HARS1: variants seen among roughly 807,000 people sequenced by gnomAD.
The protein encoded by HARS1 is histidine--tRNA ligase, cytoplasmic.
HARS1 carries 45 observed loss-of-function variants against 63.6 expected under a neutral mutation model. That is an observed-to-expected ratio of 0.71 (90% CI 0.56 to 0.91). HARS1 has a LOEUF of 0.91. Ranked by LOEUF, HARS1 falls within the 40% of genes least tolerant of loss-of-function variation. The pLI is 0.00. For synonymous variants in HARS1, 205 were observed against 247.1 expected (o/e 0.83, Z 1.60); for missense variants, 508 against 643.2 (o/e 0.79, Z 2.27).
chr5:140,687,592 A>C (rs931900225), intron 2 of HARS1: 2 of 152,114 alleles, frequency 1.3e-5, no homozygotes, highest in Non-Finnish European at 2.9e-5. Flanking sequence ...TATCAATGAC[A>C]TAGTTAAGTA....
intron 10 of HARS1, chr5:140,675,680 C>G (rs1039585466): frequency 6.6e-6 from 1 of 152,170 alleles, no homozygotes; most frequent in African/African-American, 2.4e-5. Flanking sequence ...TATGAGCCCA[C>G]CCCAATTAGA....
At chr5:140,682,662 AT>A (rs1758793033) in intron 3 of HARS1, 2 of 154,808 alleles carry the variant, frequency 1.3e-5, no homozygotes, top group African/African-American at 4.8e-5. Context: ...GGATCCAGTG[AT>A]CTTTCTGCTT....
rs377739193 is a variant in HARS1 at position 140,690,935 on chromosome 5, C to G, written c.100G>C (p.Glu34Gln). Reference protein sequence around the residue: ...QKASAELIEEEVAKLLKLKAQ... With the variant: ...QKASAELIEEQVAKLLKLKAQ... ...TTCAGTTTCAGGAGTTTCGCCACCT[C>G]CTCCTCGATCTGTGGAGGGAAAGAA... Residue 34 changes from glutamate to glutamine, a missense_variant, in exon 2 of 13, where the codon GAG becomes CAG. Around this residue, in one of 2 missense-constraint regions of HARS1, gnomAD observed 105 missense variants for 94.5 expected, o/e 1.11. Coordinates refer to ENST00000504156, the MANE Select transcript of HARS1 (RefSeq NM_002109.6). 4.4e-6 allele frequency: 7 copies of G among 1,595,648 alleles called. No homozygotes were observed. The African/African-American group carries it at 9.4e-5, about 21-fold the overall frequency.
intron 2 of HARS1, among the ~76,000 whole-genome samples, chr5:140,689,150 G>A (rs999203345): frequency 2.0e-5 from 3 of 152,116 alleles, no homozygotes; most frequent in Admixed American, 1.3e-4. Context: ...AATGAATTTA[G>A]GATCCCAAAG....
chr5:140,682,953 T>C, intron 3 of HARS1, 147 bp downstream of exon 3: 1 of 687,896 alleles, frequency 1.5e-6, no homozygotes, highest in Non-Finnish European at 2.5e-6. Flanking sequence ...TCCAAGCCAT[T>C]CTTGTCCCCC....
In HARS1 at chr5:140,690,839, AC is replaced by A; in HGVS notation, c.180+15del. ...TTAGAGACTTTCTCAGTGGCTCCCT[AC>A]AGGAATGATATTACCTTGGGGGTTT... On this transcript the variant is annotated intron_variant, in intron 2 of 12. Coordinates refer to ENST00000504156, the MANE Select transcript of HARS1 (RefSeq NM_002109.6). 1 of 1,423,520 alleles carries A rather than the reference AC, an allele frequency of 7.0e-7. No homozygotes were observed. The allele number at this position is 1,423,520 out of a possible 1,614,324, so 88.2% of individuals were successfully genotyped here. A position where few individuals can be genotyped will look rare whatever the true frequency, so the allele number is the denominator to read the frequency against.
Position 140,676,917 on chromosome 5 carries a change from T to C in HARS1, c.952-21A>G. ...GAGATCTGTGGAGATAAGAAAATGGTCAGTGCCAGATTAAGATCAGGGACC... is the reference window on the plus strand; with the variant it reads ...GAGATCTGTGGAGATAAGAAAATGGCCAGTGCCAGATTAAGATCAGGGACC... On this transcript the variant is annotated intron_variant, in intron 9 of 12. Transcript: ENST00000504156. The surrounding 1 kb of genome is among the most constrained non-coding windows in gnomAD (Gnocchi z 4.1). 1.2e-6 allele frequency: 2 copies of C among 1,613,196 alleles called. No individual in the cohort carries two copies. Among genetic ancestry groups the C allele is most frequent in the Non-Finnish European group, 1.7e-6 (2 of 1,179,316 alleles).
rs765223763 is a variant in HARS1 at position 140,677,353 on chromosome 5, C to T, written c.797G>A (p.Arg266His). The change falls in exon 8 of 13, where the codon CGC (arginine) becomes CAC (histidine). Residue 266 changes from arginine to histidine, a missense_variant. By Grantham distance (29) the Arg-to-His change is conservative (BLOSUM62 0). Transcript: ENST00000504156. ...EKGLAPEVAD[R>H]IGDYVQQHGG... ...ATGTTGCTGGACATAGTCCCCAATG[C>T]GGTCAGCCACCTCAGGTGCAAGGCC... is the stretch of plus-strand genomic sequence containing the variant. 23 of 1,612,738 alleles carry T rather than the reference C, an allele frequency of 1.4e-5. No homozygotes were observed. The highest frequency in any genetic ancestry group is 6.7e-5 in the Admixed American group (4 of 59,998).
intron 11 of HARS1, 94 bp from the exon 12 acceptor site, chr5:140,674,919 T>TTGAGAAGTAATGGCAGGATCCATTA (rs1409079758): frequency 1.2e-4 from 183 of 1,520,570 alleles, no homozygotes; most frequent in Admixed American, 9.3e-4. Context: ...AGCTCTACTT[T>TTGAGAAGTAATGGCAGGATCCATTA]TGAGAAGTAA....
chr5:140,678,999 C>T lies in HARS1; in HGVS notation c.522+3G>A. On this transcript the variant is annotated splice_donor_region_variant and intron_variant, in intron 5 of 12. Coordinates refer to ENST00000504156, the MANE Select transcript of HARS1 (RefSeq NM_002109.6). ...TCCTGCCCCACGGTTTCCCAACACT[C>T]ACACACTGGTAGAATTCCCGGTATC... The T allele has an allele frequency of 6.2e-7, 1 of 1,613,688 alleles. No individual in the cohort carries two copies.
intron 3 of HARS1, among the ~76,000 whole-genome samples, chr5:140,680,463 T>C (rs1183482300): frequency 6.6e-6 from 1 of 152,148 alleles, no homozygotes. Flanking sequence ...TTTTAAAAGA[T>C]GCATAAATTC....
intron 3 of HARS1, among the ~76,000 whole-genome samples, chr5:140,681,348 A>AGG (rs1352438979): frequency 6.6e-6 from 1 of 152,168 alleles, no homozygotes; most frequent in East Asian, 1.9e-4. Flanking sequence ...AAATTTAGAT[A>AGG]GGGACAGAGG....
intron 2 of HARS1, chr5:140,684,996 G>C (rs973836097): frequency 6.6e-6 from 1 of 152,080 alleles, no homozygotes; most frequent in Non-Finnish European, 1.5e-5. Flanking sequence ...GTGATATGTC[G>C]TGCTGGTTGA....
At chr5:140,677,558 G>T in intron 7 of HARS1, 97 bp downstream of exon 7, 2 of 1,049,562 alleles carry the variant, frequency 1.9e-6, no homozygotes, top group Non-Finnish European at 3.0e-6. Flanking sequence ...CCTCTGGTGG[G>T]TATAGAGGCA....
chr5:140,679,953 A>G lies in HARS1; in HGVS notation c.301-70T>C, dbSNP rs2149828148. ...AATTTAAAAGGAAGTTTTGAAAACA[A>G]ACATGACTGATTCCAACTTGTCTAC... On this transcript the variant is annotated intron_variant, in intron 3 of 12. Transcript: ENST00000504156. This position sits in a 1 kb window ranked among gnomAD's most constrained non-coding sequence, Gnocchi z 4.3. The G allele has an allele frequency of 3.6e-6, 3 of 827,554 alleles. No homozygotes were observed. The East Asian group carries it at 7.8e-5, about 22-fold the overall frequency. The allele number at this position is 827,554 out of a possible 1,614,324, so 51.3% of individuals were successfully genotyped here. A position where few individuals can be genotyped will look rare whatever the true frequency, so the allele number is the denominator to read the frequency against.
rs1758843333 is a variant in HARS1 at position 140,683,566 on chromosome 5, TCA to T, written c.181-349_181-348del. ...CCTACCTGAGGCCAGGCACAGTGGC[TCA>T]CGCCTGTAATCCCAGCACTTCGGGA... On this transcript the variant is annotated intron_variant, in intron 2 of 12. Transcript: ENST00000504156. 7.1e-6 allele frequency: 7 copies of T among 992,740 alleles called. No homozygotes were observed. The South Asian group carries it at 2.0e-4, about 28-fold the overall frequency. The allele number at this position is 992,740 out of a possible 1,614,324, so 61.5% of individuals were successfully genotyped here. A position where few individuals can be genotyped will look rare whatever the true frequency, so the allele number is the denominator to read the frequency against.
Position 140,677,756 on chromosome 5 carries a change from G to T in HARS1, c.631-3C>A, listed in dbSNP as rs533067917. On this transcript the variant is annotated splice_polypyrimidine_tract_variant and splice_region_variant and intron_variant, in intron 6 of 12. Transcript: ENST00000504156. ...TCTAGAATGCGTCGATCGTTTACCT[G>T]CAAGGAACCAATGCATAGTGAGGGG... is the stretch of plus-strand genomic sequence containing the variant. The T allele has an allele frequency of 3.8e-6, 6 of 1,598,772 alleles. No homozygotes were observed. The highest frequency in any genetic ancestry group is 1.7e-5 in the Admixed American group (1 of 59,612).
rs747854766 is a variant in HARS1 at position 140,691,309 on chromosome 5, G to A, written c.-5C>T. Reference sequence around the variant, plus strand: ...CAGCGCCGCACGCTCTGCCATCCCGGCTGTCCACTTGAGCCGCCTGCTGTC... The same window carrying A: ...CAGCGCCGCACGCTCTGCCATCCCGACTGTCCACTTGAGCCGCCTGCTGTC... On this transcript the variant is annotated 5_prime_UTR_variant, in exon 1 of 13. Transcript: ENST00000504156. 2 of 1,601,084 alleles carry A rather than the reference G, an allele frequency of 1.2e-6. No individual in the cohort carries two copies. The highest frequency in any genetic ancestry group is 2.7e-5 in the African/African-American group (2 of 74,758).
In HARS1 at chr5:140,675,150, TAAAA is replaced by T. The variant is rs1562001921; in HGVS notation, c.1195-21_1195-18del. On this transcript the variant is annotated intron_variant, in intron 10 of 12. Coordinates refer to ENST00000504156, the MANE Select transcript of HARS1 (RefSeq NM_002109.6). The stretch of plus-strand genomic sequence containing the variant: ...CTCCAAAGCCTGGGGAAGGGGCAGA[TAAAA>T]GAGAGCTGGGCTAACACCTTCAAGG... The T allele has an allele frequency of 7.3e-6, 11 of 1,501,020 alleles. No individual in the cohort carries two copies. The highest frequency in any genetic ancestry group is 8.4e-6 in the Non-Finnish European group (9 of 1,077,336). 93.0% of individuals were successfully genotyped at this position (1,501,020 alleles called of 1,614,324 possible).
Sources: allele counts gnomAD v4.1 joint callset (sites outside exome capture counted in the v4.1 genomes callset), GRCh38; gene constraint gnomAD v4.1.1; regional missense constraint gnomAD v4.1.1; non-coding constraint Gnocchi (gnomAD v3.1); transcripts MANE v1.5; gene names NCBI Gene and HGNC (gene_info 2026-07-23, HGNC 2026-07-21).